The following CSMD2 variants were observed in gnomAD, a reference collection of about 807,000 sequenced individuals.
CSMD2 encodes the protein CUB and Sushi multiple domains 2.
A neutral mutation model predicts 398.5 loss-of-function variants in CSMD2; 130 were observed. That is an observed-to-expected ratio of 0.33 (90% CI 0.28 to 0.38). CSMD2 has a LOEUF of 0.38. CSMD2 is among the 10% of genes least tolerant of loss of function. The pLI, the probability that CSMD2 is intolerant of heterozygous loss-of-function variation, is 1.00. For missense variants in CSMD2, 3,829 were observed against 4,764.9 expected, an observed-to-expected ratio of 0.80 and a Z score of 5.78; for synonymous variants, 1,828 against 1,908.5, an observed-to-expected ratio of 0.96 and a Z score of 1.10.
chr1:33,846,985 G>A lies in CSMD2; in HGVS notation c.932C>T (p.Ala311Val). Reference sequence around the variant, plus strand: ...GCTGATAACGGGGGCTGGGAGGCTGGCTCCGGTGAACCTGTGGGAACAGGA... The same window carrying A: ...GCTGATAACGGGGGCTGGGAGGCTGACTCCGGTGAACCTGTGGGAACAGGA... ...TEGSSLWFTG[A>V]SLPAPVISSK... The change falls in exon 6 of 71, where the codon GCC becomes GTC. Residue 311 changes from alanine to valine, a missense_variant. Ala to Val is a moderately conservative substitution (Grantham distance 64). Around this residue, in one of 5 missense-constraint regions of CSMD2, gnomAD observed 2,001 missense variants for 2,567.1 expected, o/e 0.78. Coordinates refer to ENST00000373381, the MANE Select transcript of CSMD2 (RefSeq NM_001281956.2). The A allele has an allele frequency of 6.2e-7, 1 of 1,608,588 alleles. No individual in the cohort carries two copies. The highest frequency in any genetic ancestry group is 8.5e-7 in the Non-Finnish European group (1 of 1,177,224).
intron 56 of CSMD2, among the ~76,000 whole-genome samples, chr1:33,549,843 G>C (rs143863224): frequency 1.4e-3 from 213 of 152,290 alleles, no homozygotes; most frequent in African/African-American, 4.9e-3. Flanking sequence ...TGATCAACAG[G>C]AAGACTTGAA....
At chr1:33,808,222 A>C (rs1167494642) in intron 10 of CSMD2, among the ~76,000 whole-genome samples, 1 of 152,096 alleles carries the variant, frequency 6.6e-6, no homozygotes, top group African/African-American at 2.4e-5. Flanking sequence ...TTGATGAAGA[A>C]GACAAGAAAA....
chr1:33,823,591 AGGTG>A (rs1204079112), intron 7 of CSMD2, among the ~76,000 whole-genome samples: 1 of 152,088 alleles, frequency 6.6e-6, no homozygotes, highest in African/African-American at 2.4e-5. Context: ...AGGGAGTCAC[AGGTG>A]GGTGGGTGGT....
intron 68 of CSMD2, among the ~76,000 whole-genome samples, chr1:33,520,796 G>A (rs1654199158): frequency 1.3e-5 from 2 of 152,042 alleles, no homozygotes; most frequent in South Asian, 2.1e-4. Context: ...AGTGCCTGGG[G>A]TACAGAGAGG....
chr1:34,104,776 C>T (rs769483708), intron 1 of CSMD2, among the ~76,000 whole-genome samples: 1 of 152,196 alleles, frequency 6.6e-6, no homozygotes, highest in African/African-American at 2.4e-5. Context: ...AGGGGTCAAA[C>T]AGTATCTTTG....
At chr1:33,719,869 C>T (rs1424916588) in intron 19 of CSMD2, among the ~76,000 whole-genome samples, 1 of 152,146 alleles carries the variant, frequency 6.6e-6, no homozygotes, top group Non-Finnish European at 1.5e-5. Flanking sequence ...AGTAGGGGTG[C>T]AACAGAAGGC....
At chr1:33,551,823 T>G (rs1483986891) in intron 55 of CSMD2, among the ~76,000 whole-genome samples, 1 of 152,224 alleles carries the variant, frequency 6.6e-6, no homozygotes, top group Non-Finnish European at 1.5e-5. Context: ...TGAGCCAGGT[T>G]ACATCCTAAG....
intron 12 of CSMD2, among the ~76,000 whole-genome samples, chr1:33,778,613 G>A (rs1652301882): frequency 6.6e-6 from 1 of 152,070 alleles, no homozygotes; most frequent in African/African-American, 2.4e-5. Context: ...AATACTCTGA[G>A]CTTAGCAAAT....
rs115237305 is a variant in CSMD2, at chr1:33,943,838, C to T, written c.518-7884G>A. Among the ~76,000 whole-genome samples the T allele has an allele frequency of 2.6e-3, 392 of 150,968 alleles. 4 individuals carry two copies. Among genetic ancestry groups the T allele is most frequent in the African/African-American group, 9.1e-3 (374 of 41,108 alleles). ...ATTTGATTTCATGTCTGGCAGGAAG[C>T]GAGTGCTTAGTTGAAGCCGGAATGT... On this transcript the variant is annotated intron_variant, in intron 3 of 70. Transcript: ENST00000373381.
At chr1:33,965,194 G>A (rs139989535) in intron 3 of CSMD2, among the ~76,000 whole-genome samples, 26 of 152,226 alleles carry the variant, frequency 1.7e-4, no homozygotes, top group African/African-American at 4.8e-4. Context: ...TCTTCCCCTC[G>A]ACCGTGGAGT....
At position 33,797,464 on chromosome 1, in the gene CSMD2, A is replaced by G. The variant is rs146319050; in HGVS notation, c.1447-4938T>C. On this transcript the variant is annotated intron_variant, in intron 10 of 70. Transcript: ENST00000373381. ...CTCCATTTCACAAATGGGACAGGCT[A>G]GGCACAGAATTTAGGCAACTTGCCT... Among the ~76,000 whole-genome samples the G allele has an allele frequency of 2.5e-3, 377 of 152,330 alleles. 2 individuals are homozygous for G. The highest frequency in any genetic ancestry group is 6.8e-3 in the Middle Eastern group (2 of 294).
chr1:33,885,560 A>G lies in CSMD2; in HGVS notation c.920+32534T>C, dbSNP rs796077379. ...CTGGGAAATTATAACTAACCCAAGC[A>G]TGGGCACCACATGAGGAAGCAGGAA... On this transcript the variant is annotated intron_variant, in intron 5 of 70. Transcript: ENST00000373381. The G allele has an allele frequency of 5.3e-5, 8 of 152,352 alleles. 1 individual carries two copies. The highest frequency in any genetic ancestry group is 1.9e-4 in the African/African-American group (8 of 41,582). 9.4% of individuals were successfully genotyped at this position (152,352 alleles called of 1,614,324 possible).
intron 66 of CSMD2, among the ~76,000 whole-genome samples, chr1:33,523,858 A>G (rs1654534300): frequency 6.6e-6 from 1 of 152,232 alleles, no homozygotes; most frequent in Non-Finnish European, 1.5e-5. Flanking sequence ...GCACGTATGA[A>G]TGCGTAGATA....
At chr1:34,109,616 T>C (rs1660847003) in intron 1 of CSMD2, among the ~76,000 whole-genome samples, 1 of 152,174 alleles carries the variant, frequency 6.6e-6, no homozygotes, top group Admixed American at 6.5e-5. Flanking sequence ...GGAGAAAATA[T>C]CTGCAAACTA....
chr1:34,121,224 T>C (rs953106910), intron 1 of CSMD2, among the ~76,000 whole-genome samples: 5 of 152,204 alleles, frequency 3.3e-5, no homozygotes, highest in Non-Finnish European at 5.9e-5. Context: ...TTGGGGAAGA[T>C]AGAAAAGAGG....
chr1:33,831,607 C>T lies in CSMD2; in HGVS notation c.1034-5833G>A, dbSNP rs552860275. On this transcript the variant is annotated intron_variant, in intron 6 of 70. Transcript: ENST00000373381. ...ACTAGGAAGAAACTGCATCAACTAACGAGCAAAATAACCAGCTAACATCAT... is the reference window on the plus strand; with the variant it reads ...ACTAGGAAGAAACTGCATCAACTAATGAGCAAAATAACCAGCTAACATCAT... Among the ~76,000 whole-genome samples the T allele has an allele frequency of 1.7e-3, 261 of 151,664 alleles. 1 individual carries two copies. Among genetic ancestry groups the T allele is most frequent in the African/African-American group, 6.1e-3 (251 of 41,330 alleles).
chr1:33,792,097 C>A (rs1654391128), intron 11 of CSMD2, among the ~76,000 whole-genome samples: 1 of 152,170 alleles, frequency 6.6e-6, no homozygotes, highest in Non-Finnish European at 1.5e-5. Context: ...TAAAAACTGT[C>A]AGGGTGGCAG....
Position 33,542,718 on chromosome 1 carries a change from AC to A in CSMD2, c.9277+1del. On this transcript the variant is annotated splice_donor_variant, in intron 58 of 70. Coordinates refer to ENST00000373381, the MANE Select transcript of CSMD2 (RefSeq NM_001281956.2). LOFTEE classifies it high-confidence loss of function. ...TGGAACCCGTAGGGCCTGAGCTCTC[AC>A]CGAGGCACTCAGGGTCACTGCCTGT... 6.2e-7 allele frequency: 1 copy of A among 1,612,640 alleles called. No individual in the cohort carries two copies. The highest frequency in any genetic ancestry group is 8.5e-7 in the Non-Finnish European group (1 of 1,179,380).
intron 3 of CSMD2, among the ~76,000 whole-genome samples, chr1:34,008,891 T>C (rs1414900250): frequency 6.6e-6 from 1 of 152,170 alleles, no homozygotes; most frequent in Non-Finnish European, 1.5e-5. Context: ...GAATGAATGT[T>C]GATTTGACAT....
Sources: gnomAD v4.1 joint callset for allele counts (sites outside exome capture counted in the v4.1 genomes callset) on GRCh38, gnomAD v4.1.1 for gene constraint, gnomAD v4.1.1 regional missense constraint, MANE v1.5 for transcripts, NCBI Gene and HGNC (gene_info 2026-07-23, HGNC 2026-07-21) for gene names.